Variants in WDR43 observed in about 807,000 individuals in gnomAD.
WDR43 encodes the protein WD repeat domain 43, also known as WD repeat-containing protein 43.
Under a neutral mutation model 91.4 loss-of-function variants are expected in WDR43, and 13 were observed. The ratio of observed to expected loss-of-function variants is 0.14; its 90% confidence interval spans 0.09 to 0.23. WDR43 has a LOEUF of 0.23. Ranked by LOEUF, WDR43 falls within the 10% of genes least tolerant of loss-of-function variation. The pLI is 1.00. For missense variants in WDR43, 780 were observed against 809.4 expected (o/e 0.96, Z 0.44); for synonymous variants, 331 against 287.9 (o/e 1.15, Z -1.51).
intron 6 of WDR43, among the ~76,000 whole-genome samples, chr2:28,919,499 A>G (rs1314093053): frequency 6.6e-6 from 1 of 152,130 alleles, no homozygotes; most frequent in African/African-American, 2.4e-5. Flanking sequence ...TACTAAAAAT[A>G]CAAAAAATTA....
chr2:28,925,177 A>G, intron 8 of WDR43, 24 bp downstream of exon 8: 2 of 1,590,726 alleles, frequency 1.3e-6, no homozygotes, highest in East Asian at 2.2e-5. Flanking sequence ...ACTCTGGAGT[A>G]AAGCAATATA....
Position 28,927,632 on chromosome 2 carries a change from G to A in WDR43, c.1237G>A (p.Ala413Thr). 3 of 1,613,908 alleles carry A rather than the reference G, an allele frequency of 1.9e-6. No individual in the cohort carries two copies. Among genetic ancestry groups the A allele is most frequent in the Non-Finnish European group, 2.5e-6 (3 of 1,179,850 alleles). ...GGTGCCTGGGATTCCTGGTCATCATGCAGCTATCAAGCCCGCTCCTCCACA... is the reference window on the plus strand; with the variant it reads ...GGTGCCTGGGATTCCTGGTCATCATACAGCTATCAAGCCCGCTCCTCCACA... ...VLVPGIPGHH[A>T]AIKPAPPQTE... is the part of the protein sequence containing the mutation. The change falls in exon 10 of 18, where the codon GCA (alanine) becomes ACA (threonine). Residue 413 changes from alanine to threonine, a missense_variant. Physicochemically the swap from Ala to Thr is moderately conservative, Grantham distance 58 (BLOSUM62 0). Around this residue, in one of 4 missense-constraint regions of WDR43, gnomAD observed 426 missense variants for 467.8 expected, o/e 0.91. Transcript: ENST00000407426.
At chr2:28,941,327 C>A in intron 14 of WDR43, 134 bp from the exon 15 acceptor site, 1 of 590,000 alleles carries the variant, frequency 1.7e-6, no homozygotes, top group Admixed American at 3.1e-5. Flanking sequence ...TTGCAGGTAG[C>A]CACTGCCACT....
intron 2 of WDR43, among the ~76,000 whole-genome samples, chr2:28,905,938 C>T (rs765657605): frequency 2.9e-4 from 44 of 152,036 alleles, no homozygotes; most frequent in African/African-American, 1.1e-3. Context: ...GGATTACAGG[C>T]GTGAGCCACC....
intron 14 of WDR43, among the ~76,000 whole-genome samples, chr2:28,940,945 A>C (rs904094807): frequency 6.6e-6 from 1 of 152,224 alleles, no homozygotes; most frequent in Admixed American, 6.5e-5. Flanking sequence ...CAGAGGACTC[A>C]TTAACAGGAA....
At chr2:28,944,402 A>T (rs1401502751) in intron 16 of WDR43, among the ~76,000 whole-genome samples, 1 of 152,232 alleles carries the variant, frequency 6.6e-6, no homozygotes, top group Non-Finnish European at 1.5e-5. Flanking sequence ...TCCCACATAA[A>T]CAAAAACTTT....
intron 16 of WDR43, 97 bp downstream of exon 16, chr2:28,942,478 T>G: frequency 1.5e-6 from 2 of 1,321,674 alleles, no homozygotes; most frequent in Non-Finnish European, 2.1e-6. Flanking sequence ...ACATAAGATC[T>G]TCCTTTGGCA....
chr2:28,926,588 AAG>A, intron 9 of WDR43, 34 bp downstream of exon 9: 1 of 1,520,480 alleles, frequency 6.6e-7, no homozygotes, highest in Non-Finnish European at 8.9e-7. Flanking sequence ...TTTTAAGAAA[AAG>A]AATATTTCTT....
chr2:28,947,036 G>T lies in WDR43; in HGVS notation c.*257G>T. The T allele has an allele frequency of 3.5e-6, 1 of 284,672 alleles. No individual in the cohort carries two copies. The highest frequency in any genetic ancestry group is 6.5e-6 in the Non-Finnish European group (1 of 153,668). The allele number at this position is 284,672 out of a possible 1,614,324, so 17.6% of individuals were successfully genotyped here. On this transcript the variant is annotated 3_prime_UTR_variant, in exon 18 of 18. Transcript: ENST00000407426. The stretch of plus-strand genomic sequence containing the variant: ...TACTGACATCAGTGTCCAATATATG[G>T]TATATTTTTATAATATAATATCCTA...
At chr2:28,927,940 T>C in intron 10 of WDR43, 1 of 432,456 alleles carries the variant, frequency 2.3e-6, no homozygotes, top group Non-Finnish European at 4.0e-6. Flanking sequence ...CATTAGTTAG[T>C]AGTTAGCTGG....
At chr2:28,933,538 T>C (rs1235340330) in intron 11 of WDR43, among the ~76,000 whole-genome samples, 1 of 152,198 alleles carries the variant, frequency 6.6e-6, no homozygotes, top group Non-Finnish European at 1.5e-5. Flanking sequence ...ATTTGAACCT[T>C]ATCAAAATTA....
intron 5 of WDR43, among the ~76,000 whole-genome samples, chr2:28,914,525 G>A (rs1472994102): frequency 6.6e-6 from 1 of 152,206 alleles, no homozygotes; most frequent in Non-Finnish European, 1.5e-5. Context: ...CTGGGTTAAT[G>A]CAGTAGTGTC....
chr2:28,922,797 G>GTCTT, intron 6 of WDR43, 122 bp from the exon 7 acceptor site: 1 of 232,280 alleles, frequency 4.3e-6, no homozygotes, highest in East Asian at 7.3e-5. Flanking sequence ...TTCTTGCTGT[G>GTCTT]TTTTTTTTTT....
chr2:28,927,098 C>T (rs1200609841), intron 9 of WDR43: 2 of 519,542 alleles, frequency 3.8e-6, no homozygotes, highest in African/African-American at 3.8e-5. Context: ...GGTTTCGCTG[C>T]TGGCTGAGTT....
chr2:28,933,527 C>T (rs538733346), intron 11 of WDR43, among the ~76,000 whole-genome samples: 23 of 152,262 alleles, frequency 1.5e-4, no homozygotes, highest in African/African-American at 5.5e-4. Flanking sequence ...AAAAATTGGT[C>T]ATTTGAACCT....
In WDR43 at chr2:28,894,855, G is replaced by A; in HGVS notation, c.157G>A (p.Val53Met). 5 of 1,610,648 alleles carry A rather than the reference G, an allele frequency of 3.1e-6. No individual in the cohort carries two copies. The highest frequency in any genetic ancestry group is 4.2e-6 in the Non-Finnish European group (5 of 1,178,646). Residue 53 changes from valine (V) to methionine (M), a missense_variant, in exon 1 of 18, where the codon GTG becomes ATG. Val to Met is a conservative substitution (Grantham distance 21). Transcript: ENST00000407426. ...TANNRLHQEY[V>M]PSAHLSGTCT... ...CAACAACCGGCTGCACCAGGAGTACGTGCCTTCCGCGCACCTCAGTGGTAC... is the reference window on the plus strand; with the variant it reads ...CAACAACCGGCTGCACCAGGAGTACATGCCTTCCGCGCACCTCAGTGGTAC...
At chr2:28,905,661 TTCTC>T (rs201667836) in intron 2 of WDR43, among the ~76,000 whole-genome samples, 8 of 140,904 alleles carry the variant, frequency 5.7e-5, no homozygotes, top group Non-Finnish European at 7.6e-5. Flanking sequence ...CTCTCTCTTC[TTCTC>T]TTTTTTTTTT....
chr2:28,896,087 A>G (rs974693118), intron 1 of WDR43, among the ~76,000 whole-genome samples: 5 of 152,110 alleles, frequency 3.3e-5, no homozygotes, highest in Non-Finnish European at 5.9e-5. Flanking sequence ...TAAGTCAAAC[A>G]TAAAACTAAA....
chr2:28,922,769 T>C (rs1181384207), intron 6 of WDR43, 150 bp from the exon 7 acceptor site: 3 of 583,242 alleles, frequency 5.1e-6, no homozygotes, highest in Non-Finnish European at 8.6e-6. Context: ...TTGACAGAGG[T>C]AATTATTTTT....
Sources: gnomAD v4.1 joint callset for allele counts (sites outside exome capture counted in the v4.1 genomes callset) on GRCh38, gnomAD v4.1.1 for gene constraint, gnomAD v4.1.1 regional missense constraint, MANE v1.5 for transcripts, NCBI Gene and HGNC (gene_info 2026-07-23, HGNC 2026-07-21) for gene names.